ADAMTS20: variants seen among roughly 807,000 people sequenced by gnomAD.
ADAMTS20 encodes A disintegrin and metalloproteinase with thrombospondin motifs 20.
A neutral mutation model predicts 260.1 loss-of-function variants in ADAMTS20; 225 were observed. That is an observed-to-expected ratio of 0.87 (90% CI 0.78 to 0.97). The LOEUF (loss-of-function observed/expected upper bound fraction) is 0.97. ADAMTS20 is among the 50% of genes least tolerant of loss of function. The pLI, the probability that ADAMTS20 is intolerant of heterozygous loss-of-function variation, is 0.00. For synonymous variants in ADAMTS20, 802 were observed against 769.5 expected (o/e 1.04, Z -0.70); for missense variants, 2,400 against 2,337.7 (o/e 1.03, Z -0.55).
chr12:43,550,998 C>G lies in ADAMTS20; in HGVS notation c.364G>C (p.Gly122Arg), dbSNP rs763364012. 8 of 1,613,092 alleles carry G rather than the reference C, an allele frequency of 5.0e-6. No individual in the cohort carries two copies. Among genetic ancestry groups the G allele is most frequent in the Non-Finnish European group, 6.8e-6 (8 of 1,179,458 alleles). Residue 122 changes from glycine to arginine, a missense_variant, in exon 2 of 39, where the codon GGG becomes CGG. By Grantham distance (125) the Gly-to-Arg change is moderately radical. Coordinates refer to ENST00000389420, the MANE Select transcript of ADAMTS20 (RefSeq NM_025003.5). Reference sequence around the variant, plus strand: ...AAGCAGTGGCGCAGGTCCGAGGGCCCTGCGTCGCTCTCCCAGGCCCCGCGC... The same window carrying G: ...AAGCAGTGGCGCAGGTCCGAGGGCCGTGCGTCGCTCTCCCAGGCCCCGCGC... ...PERGAWESDAGPSDLRHCFYR... is the reference protein window; with the variant it reads ...PERGAWESDARPSDLRHCFYR...
chr12:43,367,295 A>T (rs1940008307), intron 37 of ADAMTS20, among the ~76,000 whole-genome samples: 1 of 152,064 alleles, frequency 6.6e-6, no homozygotes, highest in African/African-American at 2.4e-5. Context: ...ATATTCTCAA[A>T]AAATAGTAGC....
At position 43,462,964 on chromosome 12, in the gene ADAMTS20, T is replaced by C; in HGVS notation, c.1545A>G (p.Glu515=). 1 of 1,608,916 alleles carries C rather than the reference T, an allele frequency of 6.2e-7. No individual in the cohort carries two copies. The highest frequency in any genetic ancestry group is 1.7e-5 in the Admixed American group (1 of 59,454). The change falls in exon 11 of 39, where the codon GAA becomes GAG. Residue 515 remains glutamate (E), a synonymous_variant. Transcript: ENST00000389420. ...GAGTGAAACAGCCTTTGTGAAGCTT[T>C]TCTGTGCTTGTGCACCACAGATGCA... ...ICMHLWCTST[E]KLHKGCFTQH... is the part of the protein sequence containing the mutation.
At chr12:43,421,282 C>CACAAAA (rs368419833) in intron 28 of ADAMTS20, among the ~76,000 whole-genome samples, 27,012 of 118,610 alleles carry the variant, frequency 0.23, 2,796 homozygotes, top group South Asian at 0.39. Context: ...CTTTCATTTA[C>CACAAAA]AAAAAAAAAA....
chr12:43,506,605 G>C (rs1015450916), intron 3 of ADAMTS20, among the ~76,000 whole-genome samples: 48 of 151,672 alleles, frequency 3.2e-4, no homozygotes, highest in African/African-American at 1.1e-3. Flanking sequence ...TCGGCCTCCT[G>C]AGTAGCTGGG....
intron 29 of ADAMTS20, among the ~76,000 whole-genome samples, chr12:43,387,903 T>C (rs1346741531): frequency 6.6e-6 from 1 of 152,122 alleles, no homozygotes; most frequent in African/African-American, 2.4e-5. Flanking sequence ...GCATCCCAGG[T>C]TGACATCAGA....
chr12:43,452,235 A>T (rs1307918675), intron 14 of ADAMTS20, 39 bp downstream of exon 14: 2 of 1,547,786 alleles, frequency 1.3e-6, no homozygotes, highest in South Asian at 1.2e-5. Flanking sequence ...TTATTCTTAA[A>T]GTCACTTTAA....
chr12:43,413,567 T>C (rs1019691841), intron 28 of ADAMTS20, among the ~76,000 whole-genome samples: 1 of 152,208 alleles, frequency 6.6e-6, no homozygotes, highest in African/African-American at 2.4e-5. Flanking sequence ...AAGTATCACC[T>C]TAAAAGAAAT....
intron 4 of ADAMTS20, among the ~76,000 whole-genome samples, chr12:43,500,048 A>ATTT (rs1413269559): frequency 2.8e-5 from 4 of 142,684 alleles, no homozygotes; most frequent in Non-Finnish European, 4.5e-5. Context: ...TTTTTTTTTG[A>ATTT]GAGAGAGTCT....
At chr12:43,461,773 A>G (rs908893747) in intron 11 of ADAMTS20, among the ~76,000 whole-genome samples, 5 of 152,216 alleles carry the variant, frequency 3.3e-5, no homozygotes, top group Admixed American at 3.3e-4. Context: ...TACTAGTCAC[A>G]GGAACCGAGA....
At chr12:43,528,034 T>C (rs528547977) in intron 3 of ADAMTS20, among the ~76,000 whole-genome samples, 1 of 152,114 alleles carries the variant, frequency 6.6e-6, no homozygotes, top group African/African-American at 2.4e-5. Flanking sequence ...AGCACTGCTA[T>C]ACACCAAAAA....
chr12:43,530,412 T>A (rs1230160373), intron 3 of ADAMTS20, among the ~76,000 whole-genome samples: 2 of 152,166 alleles, frequency 1.3e-5, no homozygotes, highest in African/African-American at 4.8e-5. Context: ...GCCATAAAAA[T>A]GAAACCCTTA....
At chr12:43,460,988 A>ATATATATATTTT in intron 11 of ADAMTS20, among the ~76,000 whole-genome samples, 4 of 26,394 alleles carry the variant, frequency 1.5e-4, no homozygotes, top group African/African-American at 3.8e-4. Context: ...ATATATATAT[A>ATATATATATTTT]TTTTTTTTTT....
intron 37 of ADAMTS20, among the ~76,000 whole-genome samples, chr12:43,366,555 T>C (rs896678813): frequency 1.3e-5 from 2 of 151,902 alleles, no homozygotes; most frequent in African/African-American, 4.8e-5. Context: ...ACAAACTATA[T>C]GTTATGACAT....
At chr12:43,396,341 T>C (rs1452469896) in intron 29 of ADAMTS20, among the ~76,000 whole-genome samples, 2 of 152,198 alleles carry the variant, frequency 1.3e-5, no homozygotes, top group African/African-American at 4.8e-5. Context: ...GAAATTATTT[T>C]AAGAGTGAGT....
chr12:43,550,027 T>A lies in ADAMTS20; in HGVS notation c.453+882A>T, dbSNP rs183751383. ...GAACTGTAGAATCCTGTAACCAAAT[T>A]CCTAGTTCTTGTTTTTTCTTGAATA... On this transcript the variant is annotated intron_variant, in intron 2 of 38. Coordinates refer to ENST00000389420, the MANE Select transcript of ADAMTS20 (RefSeq NM_025003.5). Among the ~76,000 whole-genome samples the A allele has an allele frequency of 2.9e-3, 436 of 152,280 alleles. 7 individuals carry two copies. Among genetic ancestry groups the A allele is most frequent in the Non-Finnish European group, 7.9e-4 (54 of 68,012 alleles).
intron 22 of ADAMTS20, 29 bp from the exon 23 acceptor site, chr12:43,430,500 AC>A (rs747265614): frequency 5.0e-6 from 8 of 1,590,902 alleles, no homozygotes; most frequent in African/African-American, 1.3e-5. Context: ...TATTAAAAAA[AC>A]ATTGTTTCCC....
At chr12:43,418,150 G>C (rs891587450) in intron 28 of ADAMTS20, among the ~76,000 whole-genome samples, 1 of 152,174 alleles carries the variant, frequency 6.6e-6, no homozygotes, top group African/African-American at 2.4e-5. Flanking sequence ...CAAATTTGCT[G>C]AATTTTTTTC....
intron 23 of ADAMTS20, among the ~76,000 whole-genome samples, chr12:43,430,071 T>C (rs532015351): frequency 4.6e-5 from 7 of 151,722 alleles, no homozygotes; most frequent in East Asian, 1.9e-4. Flanking sequence ...TAATAATAGA[T>C]ATAACCTTCT....
chr12:43,461,809 CTT>C (rs1246628158), intron 11 of ADAMTS20, among the ~76,000 whole-genome samples: 1 of 152,054 alleles, frequency 6.6e-6, no homozygotes, highest in Non-Finnish European at 1.5e-5. Flanking sequence ...TTAAATAACT[CTT>C]ATCCACCAAA....
Sources: allele counts gnomAD v4.1 joint callset (sites outside exome capture counted in the v4.1 genomes callset), GRCh38; gene constraint gnomAD v4.1.1; transcripts MANE v1.5; gene names NCBI Gene and HGNC (gene_info 2026-07-23, HGNC 2026-07-21).